Variants in DSCAM observed in about 807,000 individuals in gnomAD.
DSCAM encodes DS cell adhesion molecule, also known as cell adhesion molecule DSCAM.
A neutral mutation model predicts 217.7 loss-of-function variants in DSCAM; 47 were observed. The ratio of observed to expected loss-of-function variants is 0.22; its 90% CI spans 0.17 to 0.28. The LOEUF (loss-of-function observed/expected upper bound fraction) is 0.28, where lower values mean the gene tolerates loss of function less well. Among genes scored for constraint, DSCAM ranks in the 10% least tolerant of loss-of-function variants. The pLI, the probability that DSCAM is intolerant of heterozygous loss-of-function variation, is 1.00. For synonymous variants in DSCAM, 1,056 were observed against 1,015.3 expected, an observed-to-expected ratio of 1.04 and a Z score of -0.76; for missense variants, 2,080 against 2,618.3, an observed-to-expected ratio of 0.79 and a Z score of 4.49.
intron 3 of DSCAM, among the ~76,000 whole-genome samples, chr21:40,376,064 T>C (rs978268322): frequency 6.6e-6 from 1 of 152,222 alleles, no homozygotes; most frequent in Non-Finnish European, 1.5e-5. Context: ...ATTTTTCACT[T>C]AGAGAAATAT....
intron 3 of DSCAM, among the ~76,000 whole-genome samples, chr21:40,399,427 A>C: frequency 6.6e-6 from 1 of 152,240 alleles, no homozygotes; most frequent in Non-Finnish European, 1.5e-5. Context: ...AAATATCTTT[A>C]GAGTTCTTTA....
At position 40,356,613 on chromosome 21, in the gene DSCAM, A is replaced by C. The variant is rs558392306; in HGVS notation, c.656-2870T>G. On this transcript the variant is annotated intron_variant, in intron 4 of 32. Transcript: ENST00000400454. ...TCCTTTGCTTCTTTACATCACCTGG[A>C]AGGTGGATATAAAGGTAGGAGCTGC... 5.9e-5 allele frequency among the ~76,000 whole-genome samples: 9 copies of C among 152,198 alleles called. No homozygotes were observed. In the South Asian group the frequency reaches 1.9e-3, roughly 32 times the overall value.
chr21:40,423,298 T>A lies in DSCAM; in HGVS notation c.509-54053A>T, dbSNP rs147204214. Among the ~76,000 whole-genome samples, 23 of 152,240 alleles carry A rather than the reference T, an allele frequency of 1.5e-4. No individual in the cohort carries two copies. The East Asian group carries it at 4.5e-3, about 29-fold the overall frequency. On this transcript the variant is annotated intron_variant, in intron 3 of 32. Coordinates refer to ENST00000400454, the MANE Select transcript of DSCAM (RefSeq NM_001389.5). Reference sequence around the variant, plus strand: ...GAAGTATTGTATTAATGTAGGTAGGTTTTCATTAACAAGGACAGTTACTAA... The same window carrying A: ...GAAGTATTGTATTAATGTAGGTAGGATTTCATTAACAAGGACAGTTACTAA...
rs1051241748 is a variant in DSCAM at position 40,012,940 on chromosome 21, T to A, written c.*94A>T. 2.0e-6 allele frequency: 2 copies of A among 983,070 alleles called. No individual in the cohort carries two copies. Among genetic ancestry groups the A allele is most frequent in the Non-Finnish European group, 2.7e-6 (2 of 740,432 alleles). 60.9% of individuals were successfully genotyped at this position (983,070 alleles called of 1,614,324 possible). A position where few individuals can be genotyped will look rare whatever the true frequency, so the allele number is the denominator to read the frequency against. ...TTTTTAATATATTTTGGCAATTTTC[T>A]TTAATTATAAATATTGGAATTCCGT... On this transcript the variant is annotated 3_prime_UTR_variant, in exon 33 of 33. Transcript: ENST00000400454.
intron 3 of DSCAM, among the ~76,000 whole-genome samples, chr21:40,472,448 T>C (rs1290106814): frequency 2.0e-5 from 3 of 152,234 alleles, no homozygotes; most frequent in Admixed American, 6.5e-5. Context: ...ATCTATCATA[T>C]ATAAATTCTA....
chr21:40,656,586 T>C (rs529225913), intron 3 of DSCAM, among the ~76,000 whole-genome samples: 13 of 152,034 alleles, frequency 8.6e-5, no homozygotes, highest in Non-Finnish European at 1.9e-4. Flanking sequence ...AAGAGCAAGA[T>C]GGATCATTTT....
chr21:40,305,154 C>T (rs948884484), intron 9 of DSCAM, among the ~76,000 whole-genome samples: 1 of 152,006 alleles, frequency 6.6e-6, no homozygotes, highest in Non-Finnish European at 1.5e-5. Flanking sequence ...CTTTGGGAGG[C>T]CAAGTGGGGT....
chr21:40,449,682 G>A (rs2075703508), intron 3 of DSCAM, among the ~76,000 whole-genome samples: 1 of 152,120 alleles, frequency 6.6e-6, no homozygotes, highest in Non-Finnish European at 1.5e-5. Context: ...GGCAGTTTTT[G>A]TTGAAGATAA....
chr21:40,407,752 C>G (rs917055329), intron 3 of DSCAM, among the ~76,000 whole-genome samples: 1 of 152,192 alleles, frequency 6.6e-6, no homozygotes, highest in Non-Finnish European at 1.5e-5. Context: ...CAGACCCAGT[C>G]CAGGTGACAG....
chr21:40,444,482 G>A (rs769251246), intron 3 of DSCAM, among the ~76,000 whole-genome samples: 33 of 152,184 alleles, frequency 2.2e-4, no homozygotes, highest in Non-Finnish European at 4.4e-4. Context: ...AACCTAAACC[G>A]GTTGAGCATA....
intron 1 of DSCAM, among the ~76,000 whole-genome samples, chr21:40,836,910 A>G (rs1292028541): frequency 2.0e-5 from 3 of 152,198 alleles, no homozygotes; most frequent in African/African-American, 7.2e-5. Flanking sequence ...ACTACAGCCC[A>G]TTCCCCACAA....
chr21:40,204,472 T>C (rs1230282969), intron 11 of DSCAM, among the ~76,000 whole-genome samples: 1 of 152,226 alleles, frequency 6.6e-6, no homozygotes, highest in Non-Finnish European at 1.5e-5. Context: ...AATATACAAC[T>C]ATATATTTCT....
At chr21:40,663,061 G>C (rs540530521) in intron 3 of DSCAM, among the ~76,000 whole-genome samples, 1 of 45,358 alleles carries the variant, frequency 2.2e-5, no homozygotes, top group Non-Finnish European at 7.4e-5. Context: ...GTGTGTGTGC[G>C]CACCTGTGTG....
chr21:40,212,188 T>C (rs569079872), intron 11 of DSCAM, among the ~76,000 whole-genome samples: 14 of 152,134 alleles, frequency 9.2e-5, no homozygotes, highest in African/African-American at 3.4e-4. Flanking sequence ...CAGGCTGATC[T>C]CGAATTCCTG....
rs764881050 is a variant in DSCAM at position 40,347,915 on chromosome 21, T to C, written c.965A>G (p.Lys322Arg). The change falls in exon 6 of 33, where the codon AAG becomes AGG. Residue 322 changes from lysine to arginine, a missense_variant. Physicochemically the swap from Lys to Arg is conservative, Grantham distance 26 (BLOSUM62 2). Around this residue, in one of 5 missense-constraint regions of DSCAM, gnomAD observed 568 missense variants for 678.1 expected, o/e 0.84. Transcript: ENST00000400454. The part of the protein sequence containing the change: ...QPLKATISPR[K>R]VKSSVGSQVS... ...TTGGCTACCCACGCTGCTTTTAACC[T>C]TCCTGGGACTGATGGTGGCTTTCAG... The C allele has an allele frequency of 3.7e-6, 6 of 1,613,408 alleles. No individual in the cohort carries two copies. Among genetic ancestry groups the C allele is most frequent in the Admixed American group, 3.3e-5 (2 of 59,968 alleles).
At chr21:40,834,934 T>C (rs2092045006) in intron 1 of DSCAM, among the ~76,000 whole-genome samples, 1 of 152,180 alleles carries the variant, frequency 6.6e-6, no homozygotes, top group East Asian at 1.9e-4. Context: ...TTCTTGCAAA[T>C]GTATCTCCAC....
At chr21:40,039,723 T>A (rs2088708505) in intron 32 of DSCAM, among the ~76,000 whole-genome samples, 1 of 152,218 alleles carries the variant, frequency 6.6e-6, no homozygotes, top group South Asian at 2.1e-4. Flanking sequence ...ATTTCCTATT[T>A]TTCTGAAGCC....
intron 9 of DSCAM, among the ~76,000 whole-genome samples, chr21:40,306,350 G>A (rs1256773493): frequency 1.3e-4 from 19 of 150,720 alleles, no homozygotes; most frequent in African/African-American, 2.5e-4. Flanking sequence ...GGGCTGAGAC[G>A]ATGGGGTTTT....
At chr21:40,397,286 G>A (rs1385390970) in intron 3 of DSCAM, among the ~76,000 whole-genome samples, 2 of 151,956 alleles carry the variant, frequency 1.3e-5, no homozygotes, top group African/African-American at 4.8e-5. Flanking sequence ...GATCATGAGG[G>A]TCACTCCCTC....
Sources: gnomAD v4.1 joint callset for allele counts (sites outside exome capture counted in the v4.1 genomes callset) on GRCh38, gnomAD v4.1.1 for gene constraint, gnomAD v4.1.1 regional missense constraint, MANE v1.5 for transcripts, NCBI Gene and HGNC (gene_info 2026-07-23, HGNC 2026-07-21) for gene names.